Variants in PLCB4 observed in about 807,000 individuals in gnomAD.
The protein encoded by PLCB4 is 1-phosphatidylinositol 4,5-bisphosphate phosphodiesterase beta-4.
Under a neutral mutation model 178.8 loss-of-function variants are expected in PLCB4, and 77 were observed. The observed-to-expected ratio is 0.43, with a 90% CI of 0.36 to 0.52. The LOEUF is 0.52. PLCB4 is among the 20% of genes least tolerant of loss of function. The pLI, the probability that PLCB4 is intolerant of heterozygous loss-of-function variation, is 0.00. For synonymous variants in PLCB4, 496 were observed against 490.8 expected, an observed-to-expected ratio of 1.01 and a Z score of -0.14; for missense variants, 1,024 against 1,453.4, an observed-to-expected ratio of 0.70 and a Z score of 4.80.
chr20:9,264,935 A>G (rs567636069), intron 3 of PLCB4, among the ~76,000 whole-genome samples: 1 of 152,306 alleles, frequency 6.6e-6, no homozygotes, highest in South Asian at 2.1e-4. Context: ...GTGGGCAGAC[A>G]GGCTTGTCAA....
intron 3 of PLCB4, among the ~76,000 whole-genome samples, chr20:9,232,825 A>T (rs1287674261): frequency 6.6e-6 from 1 of 152,104 alleles, no homozygotes; most frequent in African/African-American, 2.4e-5. Context: ...AACAGGAGAA[A>T]AATAGTCCCT....
chr20:9,138,391 A>C (rs540097799), intron 2 of PLCB4, among the ~76,000 whole-genome samples: 7 of 152,208 alleles, frequency 4.6e-5, no homozygotes, highest in African/African-American at 1.2e-4. Context: ...ATCTTTGGGG[A>C]TCTTTAGACA....
chr20:9,327,960 A>C (rs964791929), intron 4 of PLCB4, among the ~76,000 whole-genome samples: 1 of 152,180 alleles, frequency 6.6e-6, no homozygotes, highest in African/African-American at 2.4e-5. Context: ...GGTTCATCTA[A>C]AACCCTAAAG....
intron 2 of PLCB4, among the ~76,000 whole-genome samples, chr20:9,213,231 A>G (rs551241973): frequency 6.6e-4 from 89 of 134,088 alleles, no homozygotes; most frequent in Non-Finnish European, 2.9e-4. Flanking sequence ...TACAAACTCT[A>G]TCTCCCAGGT....
intron 3 of PLCB4, among the ~76,000 whole-genome samples, chr20:9,278,511 T>G (rs183856096): frequency 6.6e-6 from 1 of 152,154 alleles, no homozygotes; most frequent in Non-Finnish European, 1.5e-5. Context: ...AGAAAAAGGT[T>G]TGAACAAAAA....
At chr20:9,091,696 A>AC (rs1246142151) in intron 1 of PLCB4, among the ~76,000 whole-genome samples, 6 of 151,172 alleles carry the variant, frequency 4.0e-5, no homozygotes, top group Non-Finnish European at 7.4e-5. Flanking sequence ...CTAACACCTC[A>AC]CCTGGTTTAT....
At chr20:9,120,800 A>G (rs990001847) in intron 2 of PLCB4, among the ~76,000 whole-genome samples, 4 of 152,120 alleles carry the variant, frequency 2.6e-5, no homozygotes, top group Non-Finnish European at 4.4e-5. Flanking sequence ...CTCCTCCTCC[A>G]TGCTATGAGG....
At chr20:9,334,121 C>T (rs2032093636) in intron 4 of PLCB4, among the ~76,000 whole-genome samples, 1 of 152,008 alleles carries the variant, frequency 6.6e-6, no homozygotes, top group Non-Finnish European at 1.5e-5. Flanking sequence ...AGAACCAAGT[C>T]CTGAGGACTA....
At chr20:9,154,152 G>A (rs1189215168) in intron 2 of PLCB4, among the ~76,000 whole-genome samples, 1 of 152,146 alleles carries the variant, frequency 6.6e-6, no homozygotes, top group African/African-American at 2.4e-5. Flanking sequence ...GTGCAGCGAG[G>A]AGGGATTAGA....
At chr20:9,163,373 T>G (rs998307200) in intron 2 of PLCB4, among the ~76,000 whole-genome samples, 18 of 151,974 alleles carry the variant, frequency 1.2e-4, no homozygotes, top group Admixed American at 9.2e-4. Context: ...CTGAGCAGAG[T>G]CAAAATATGT....
intron 3 of PLCB4, among the ~76,000 whole-genome samples, chr20:9,252,036 C>T (rs2094186786): frequency 6.6e-6 from 1 of 152,142 alleles, no homozygotes; most frequent in Admixed American, 6.6e-5. Context: ...AAATGTTCAT[C>T]AGATATTCTT....
At chr20:9,427,982 G>C (rs546706219) in intron 28 of PLCB4, among the ~76,000 whole-genome samples, 1 of 152,274 alleles carries the variant, frequency 6.6e-6, no homozygotes, top group African/African-American at 2.4e-5. Flanking sequence ...GGAAGATGAA[G>C]TGACCCTCTA....
chr20:9,380,257 C>T (rs967301462), intron 13 of PLCB4, 95 bp downstream of exon 13: 4 of 625,352 alleles, frequency 6.4e-6, no homozygotes, highest in African/African-American at 3.8e-5. Context: ...AAATGCTTTG[C>T]AACTCCCTGA....
chr20:9,336,968 A>T (rs1223545523), intron 4 of PLCB4, among the ~76,000 whole-genome samples, 158 bp from the exon 5 acceptor site: 3 of 152,206 alleles, frequency 2.0e-5, no homozygotes, highest in African/African-American at 7.2e-5. Flanking sequence ...GAAAGCAAAG[A>T]GTTTTCAAAA....
At chr20:9,220,835 G>T (rs572594083) in intron 3 of PLCB4, among the ~76,000 whole-genome samples, 6 of 152,066 alleles carry the variant, frequency 3.9e-5, no homozygotes, top group African/African-American at 1.2e-4. Context: ...TAAGATCTGT[G>T]GCCTAGGGTT....
chr20:9,439,110 A>G (rs1030087502), intron 30 of PLCB4, among the ~76,000 whole-genome samples: 2 of 152,242 alleles, frequency 1.3e-5, no homozygotes, highest in Non-Finnish European at 2.9e-5. Context: ...TGCATAACAA[A>G]TGACCTCAAA....
chr20:9,317,751 C>T (rs1324426122), intron 4 of PLCB4, among the ~76,000 whole-genome samples: 2 of 152,138 alleles, frequency 1.3e-5, no homozygotes, highest in African/African-American at 2.4e-5. Flanking sequence ...TAAGTGTAAG[C>T]ACCTAGGGGT....
intron 33 of PLCB4, among the ~76,000 whole-genome samples, chr20:9,454,428 C>T (rs1054376495): frequency 6.6e-6 from 1 of 152,142 alleles, no homozygotes; most frequent in East Asian, 1.9e-4. Flanking sequence ...TTTTTCCTGC[C>T]TTTGACCTTC....
At chr20:9,398,925 A>C (rs564845050) in intron 19 of PLCB4, among the ~76,000 whole-genome samples, 24 of 152,348 alleles carry the variant, frequency 1.6e-4, no homozygotes, top group African/African-American at 5.5e-4. Context: ...GATTCAAGTC[A>C]AGACTTTTGT....
Sources: allele counts gnomAD v4.1 joint callset (sites outside exome capture counted in the v4.1 genomes callset), GRCh38; gene constraint gnomAD v4.1.1; transcripts MANE v1.5; gene names NCBI Gene and HGNC (gene_info 2026-07-23, HGNC 2026-07-21).